Variants in KCNH7 observed in about 807,000 individuals in gnomAD.
The protein encoded by KCNH7 is potassium voltage-gated channel subfamily H member 7.
Under a neutral mutation model 120.8 loss-of-function variants are expected in KCNH7, and 49 were observed. The ratio of observed to expected loss-of-function variants is 0.41; its 90% CI spans 0.32 to 0.51. The LOEUF (loss-of-function observed/expected upper bound fraction) is 0.51. KCNH7 is among the 20% of genes least tolerant of loss of function. The pLI, the probability that KCNH7 is intolerant of heterozygous loss-of-function variation, is 0.38. For missense variants in KCNH7, 1,097 were observed against 1,446.6 expected (o/e 0.76, Z 3.92); for synonymous variants, 547 against 516.1 (o/e 1.06, Z -0.81).
chr2:162,773,010 G>C (rs995948798), intron 2 of KCNH7, among the ~76,000 whole-genome samples: 3 of 152,186 alleles, frequency 2.0e-5, no homozygotes, highest in Non-Finnish European at 4.4e-5. Context: ...TTGTTGCAAA[G>C]TTTCACCTCA....
intron 9 of KCNH7, among the ~76,000 whole-genome samples, chr2:162,419,214 T>C (rs909956886): frequency 1.3e-5 from 2 of 148,302 alleles, no homozygotes; most frequent in African/African-American, 2.5e-5. Flanking sequence ...CTTCCTAGGC[T>C]CTTATTCCAA....
At chr2:162,469,159 T>C (rs183054644) in intron 6 of KCNH7, among the ~76,000 whole-genome samples, 3,356 of 152,310 alleles carry the variant, frequency 0.022, 118 homozygotes, top group African/African-American at 0.076. Flanking sequence ...TTTGTTATAG[T>C]ACATTTGAAA....
At chr2:162,631,149 A>T (rs985043656) in intron 2 of KCNH7, among the ~76,000 whole-genome samples, 1 of 152,124 alleles carries the variant, frequency 6.6e-6, no homozygotes, top group African/African-American at 2.4e-5. Flanking sequence ...TATCTGCAAT[A>T]ACTGCATTTT....
intron 14 of KCNH7, among the ~76,000 whole-genome samples, 172 bp from the exon 15 acceptor site, chr2:162,373,834 C>A (rs1433512295): frequency 6.6e-6 from 1 of 152,184 alleles, no homozygotes; most frequent in Non-Finnish European, 1.5e-5. Flanking sequence ...CTGTGTATGT[C>A]TCACTAATTA....
Position 162,740,442 on chromosome 2 carries a change from A to C in KCNH7, c.307+96095T>G, listed in dbSNP as rs907158496. ...AAGTTTGGTAACTCAGGTGGCTTCC[A>C]ATCAGCACCAGATGGGAGTGGGTGG... On this transcript the variant is annotated intron_variant, in intron 2 of 15. Transcript: ENST00000332142. Among the ~76,000 whole-genome samples, 3 of 152,186 alleles carry C rather than the reference A, an allele frequency of 2.0e-5. No individual in the cohort carries two copies. In the South Asian group the frequency reaches 6.2e-4, roughly 31 times the overall value.
chr2:162,383,260 C>G (rs993733607), intron 13 of KCNH7, among the ~76,000 whole-genome samples: 1 of 152,086 alleles, frequency 6.6e-6, no homozygotes, highest in East Asian at 1.9e-4. Flanking sequence ...CTCTTCAGAA[C>G]TTGTGACTTC....
Position 162,579,311 on chromosome 2 carries a change from G to A in KCNH7, c.308-42231C>T, listed in dbSNP as rs190042438. Among the ~76,000 whole-genome samples, 69 of 152,118 alleles carry A rather than the reference G, an allele frequency of 4.5e-4. No homozygotes were observed. In the East Asian group the frequency reaches 0.013, roughly 28 times the overall value. On this transcript the variant is annotated intron_variant, in intron 2 of 15. Coordinates refer to ENST00000332142, the MANE Select transcript of KCNH7 (RefSeq NM_033272.4). ...GCTGAGCCACTTTTTAGTCTCTCCCGGGAAATAGAAAAGGAACGTCAGTAA... is the reference window on the plus strand; with the variant it reads ...GCTGAGCCACTTTTTAGTCTCTCCCAGGAAATAGAAAAGGAACGTCAGTAA...
chr2:162,534,999 T>C lies in KCNH7; in HGVS notation c.463+1926A>G, dbSNP rs139364660. 1.3e-4 allele frequency among the ~76,000 whole-genome samples: 20 copies of C among 151,854 alleles called. No homozygotes were observed. In the East Asian group the frequency reaches 3.1e-3, roughly 24 times the overall value. ...TATTTTTAAAAAAGGAAAAGAATAATACACTCATTTCCACAGAGGCTAAAA... is the reference window on the plus strand; with the variant it reads ...TATTTTTAAAAAAGGAAAAGAATAACACACTCATTTCCACAGAGGCTAAAA... On this transcript the variant is annotated intron_variant, in intron 3 of 15. Transcript: ENST00000332142.
intron 2 of KCNH7, among the ~76,000 whole-genome samples, chr2:162,641,714 T>C (rs1684163392): frequency 6.8e-6 from 1 of 146,490 alleles, no homozygotes; most frequent in Admixed American, 6.9e-5. Flanking sequence ...GTTTTGTATC[T>C]TGATTACATC....
At chr2:162,804,626 T>A (rs989728561) in intron 2 of KCNH7, among the ~76,000 whole-genome samples, 5 of 152,026 alleles carry the variant, frequency 3.3e-5, no homozygotes, top group Admixed American at 1.3e-4. Context: ...ACACAACCCA[T>A]GCTCATGGAT....
At chr2:162,416,041 T>C (rs545391317) in intron 9 of KCNH7, among the ~76,000 whole-genome samples, 9 of 152,270 alleles carry the variant, frequency 5.9e-5, no homozygotes, top group Non-Finnish European at 1.3e-4. Context: ...TCAAAGGGAA[T>C]TGCTTTATTA....
intron 2 of KCNH7, among the ~76,000 whole-genome samples, chr2:162,741,253 G>A (rs201754493): frequency 4.8e-5 from 7 of 146,942 alleles, no homozygotes; most frequent in South Asian, 2.2e-4. Flanking sequence ...TATGTTATTA[G>A]TTATACATAT....
intron 2 of KCNH7, among the ~76,000 whole-genome samples, chr2:162,603,109 C>T (rs1574156812): frequency 6.6e-6 from 1 of 151,898 alleles, no homozygotes. Flanking sequence ...GTTTTGGCAA[C>T]AATTCTTTGA....
At chr2:162,734,801 A>G (rs2105398175) in intron 2 of KCNH7, among the ~76,000 whole-genome samples, 1 of 152,290 alleles carries the variant, frequency 6.6e-6, no homozygotes, top group Admixed American at 6.5e-5. Context: ...ATAGAAAAAC[A>G]TCTGATTACT....
At chr2:162,727,586 T>C (rs560929257) in intron 2 of KCNH7, among the ~76,000 whole-genome samples, 1 of 152,310 alleles carries the variant, frequency 6.6e-6, no homozygotes, top group Admixed American at 6.5e-5. Context: ...CTACTGACTA[T>C]TATTTACAGA....
intron 6 of KCNH7, among the ~76,000 whole-genome samples, chr2:162,493,411 G>A (rs965692174): frequency 6.6e-6 from 1 of 152,162 alleles, no homozygotes; most frequent in African/African-American, 2.4e-5. Context: ...TTTAATCTTT[G>A]AGAAATAAAA....
intron 2 of KCNH7, among the ~76,000 whole-genome samples, chr2:162,563,059 A>G (rs1272173907): frequency 2.1e-5 from 3 of 145,414 alleles, no homozygotes; most frequent in African/African-American, 7.3e-5. Flanking sequence ...TATTTTTGAC[A>G]CTTGTAATTT....
rs114419346 is a variant in KCNH7, at chr2:162,678,161, C to A, written c.308-141081G>T. ...CGTATGTATGAAATATTGACAGATG[C>A]CTATTTCTAGATCACATGATGGCTG... On this transcript the variant is annotated intron_variant, in intron 2 of 15. Coordinates refer to ENST00000332142, the MANE Select transcript of KCNH7 (RefSeq NM_033272.4). Among the ~76,000 whole-genome samples, 464 of 151,248 alleles carry A rather than the reference C, an allele frequency of 3.1e-3. 2 individuals carry two copies. Among genetic ancestry groups the A allele is most frequent in the Non-Finnish European group, 5.0e-3 (335 of 67,506 alleles).
At chr2:162,733,975 TAGTTACTGCTTTCCCC>T (rs1251215619) in intron 2 of KCNH7, among the ~76,000 whole-genome samples, 1 of 152,214 alleles carries the variant, frequency 6.6e-6, no homozygotes, top group Non-Finnish European at 1.5e-5. Context: ...CTTAAATGTA[TAGTTACTGCTTTCCCC>T]AGTTTTCAAA....
Sources: allele counts gnomAD v4.1 joint callset (sites outside exome capture counted in the v4.1 genomes callset), GRCh38; gene constraint gnomAD v4.1.1; transcripts MANE v1.5; gene names NCBI Gene and HGNC (gene_info 2026-07-23, HGNC 2026-07-21).